Variants in RBFOX1 observed in about 807,000 individuals in gnomAD.
RBFOX1 encodes RNA binding protein fox-1 homolog 1.
In RBFOX1, 8 loss-of-function variants were observed where a neutral mutation model predicts 57.7. The ratio of observed to expected loss-of-function variants is 0.14; its 90% CI spans 0.08 to 0.25. RBFOX1 has a LOEUF of 0.25. Ranked by LOEUF, RBFOX1 falls within the 10% of genes least tolerant of loss-of-function variation. RBFOX1 has a pLI of 1.00. For synonymous variants in RBFOX1, 326 were observed against 222.4 expected (o/e 1.47, Z -4.15); for missense variants, 611 against 548.5 (o/e 1.11, Z -1.14).
intron 10 of RBFOX1, among the ~76,000 whole-genome samples, chr16:7,619,703 G>C (rs768406956): frequency 2.0e-5 from 3 of 152,192 alleles, no homozygotes; most frequent in Non-Finnish European, 4.4e-5. Flanking sequence ...AGTATAGAAG[G>C]CCTTCTAGGT....
intron 3 of RBFOX1, among the ~76,000 whole-genome samples, chr16:6,911,605 G>T (rs183701990): frequency 4.2e-4 from 64 of 152,256 alleles, no homozygotes; most frequent in African/African-American, 1.4e-3. Flanking sequence ...TAAAGACCCT[G>T]CTTCCAAATC....
intron 1 of RBFOX1, among the ~76,000 whole-genome samples, chr16:6,296,136 G>A (rs999954137): frequency 1.3e-5 from 2 of 152,228 alleles, no homozygotes; most frequent in Non-Finnish European, 2.9e-5. Context: ...CCTTGGGCAC[G>A]GTTGGAAGGT....
intron 3 of RBFOX1, among the ~76,000 whole-genome samples, chr16:6,889,914 A>G (rs1223467984): frequency 6.6e-6 from 1 of 152,240 alleles, no homozygotes; most frequent in East Asian, 1.9e-4. Context: ...ATAGCATTCA[A>G]AACAAAATTT....
chr16:7,003,989 T>G (rs1262102684), intron 3 of RBFOX1: 4 of 87,726 alleles, frequency 4.6e-5, no homozygotes, highest in Non-Finnish European at 7.5e-5. Flanking sequence ...AAATGAGGGG[T>G]TTTTTTTTTT....
Position 6,019,134 on chromosome 16 carries a change from G to T in RBFOX1, c.-985G>T. 2.0e-6 allele frequency: 2 copies of T among 984,672 alleles called. No homozygotes were observed. The highest frequency in any genetic ancestry group is 2.4e-6 in the Non-Finnish European group (2 of 829,850). 61.0% of individuals were successfully genotyped at this position (984,672 alleles called of 1,614,324 possible). A position where few individuals can be genotyped will look rare whatever the true frequency, so the allele number is the denominator to read the frequency against. Reference sequence around the variant, plus strand: ...GCACACATTTTCTCGCGCTCTCTCCGGCTCTCCTTTGTTTATTTTCTAATC... The same window carrying T: ...GCACACATTTTCTCGCGCTCTCTCCTGCTCTCCTTTGTTTATTTTCTAATC... On this transcript the variant is annotated 5_prime_UTR_variant, in exon 1 of 16. Coordinates refer to ENST00000550418, the MANE Select transcript of RBFOX1 (RefSeq NM_018723.4). The surrounding 1 kb of genome is among the most constrained non-coding windows in gnomAD (Gnocchi z 4.2).
intron 3 of RBFOX1, among the ~76,000 whole-genome samples, chr16:6,691,127 A>G (rs2060145913): frequency 6.6e-6 from 1 of 152,174 alleles, no homozygotes; most frequent in African/African-American, 2.4e-5. Flanking sequence ...GGAATTACAG[A>G]GTCCTGGAAA....
At chr16:7,518,872 A>G (rs897497895) in intron 5 of RBFOX1, among the ~76,000 whole-genome samples, 1 of 152,112 alleles carries the variant, frequency 6.6e-6, no homozygotes, top group Non-Finnish European at 1.5e-5. Flanking sequence ...GAAATTTAAA[A>G]TTTAGCTGAG....
At chr16:5,284,749 G>C (rs1167796858) in intron 1 of RBFOX1, among the ~76,000 whole-genome samples, 1 of 49,876 alleles carries the variant, frequency 2.0e-5, no homozygotes, top group Non-Finnish European at 4.3e-5. Context: ...TAGTAGTTTT[G>C]GCTTAGATTT....
chr16:7,255,186 C>T (rs141610149), intron 4 of RBFOX1, among the ~76,000 whole-genome samples: 104 of 152,204 alleles, frequency 6.8e-4, no homozygotes, highest in African/African-American at 2.4e-3. Flanking sequence ...GACAATGAGG[C>T]TGAGGGTAGA....
chr16:6,652,785 T>G (rs917259506), intron 2 of RBFOX1, among the ~76,000 whole-genome samples: 1 of 151,972 alleles, frequency 6.6e-6, no homozygotes, highest in African/African-American at 2.4e-5. Context: ...AGTTATTGTT[T>G]AATGGGTACA....
chr16:7,096,571 A>G (rs1029658037), intron 4 of RBFOX1, among the ~76,000 whole-genome samples: 1 of 152,084 alleles, frequency 6.6e-6, no homozygotes, highest in Non-Finnish European at 1.5e-5. Flanking sequence ...CCCATCCCTG[A>G]TACTCAACAT....
intron 3 of RBFOX1, among the ~76,000 whole-genome samples, chr16:6,893,966 A>G (rs933935684): frequency 1.3e-5 from 2 of 152,166 alleles, no homozygotes; most frequent in South Asian, 4.1e-4. Flanking sequence ...ACCAAGTGCT[A>G]TGATGTCTTC....
At position 6,097,813 on chromosome 16, in the gene RBFOX1, T is replaced by C. The variant is rs1328197516; in HGVS notation, c.-127+77821T>C. Reference sequence around the variant, plus strand: ...AAAATTCTTATTTATTTATTTTCTATCACCGTACTTACTGGTGGAGTGGAA... The same window carrying C: ...AAAATTCTTATTTATTTATTTTCTACCACCGTACTTACTGGTGGAGTGGAA... On this transcript the variant is annotated intron_variant, in intron 1 of 15. Transcript: ENST00000550418. This position sits in a 1 kb window ranked among gnomAD's most constrained non-coding sequence, Gnocchi z 5.0. 1.3e-5 allele frequency among the ~76,000 whole-genome samples: 2 copies of C among 152,048 alleles called. No homozygotes were observed. Among genetic ancestry groups the C allele is most frequent in the African/African-American group, 4.8e-5 (2 of 41,384 alleles).
intron 1 of RBFOX1, among the ~76,000 whole-genome samples, chr16:6,196,152 C>G (rs951073058): frequency 1.3e-5 from 2 of 152,182 alleles, no homozygotes; most frequent in African/African-American, 4.8e-5. Context: ...AGTTAGGCTT[C>G]ATTGTCTCCC....
At chr16:5,868,122 A>C (rs986481698) in intron 4 of RBFOX1, among the ~76,000 whole-genome samples, 2 of 152,150 alleles carry the variant, frequency 1.3e-5, no homozygotes, top group Non-Finnish European at 2.9e-5. Context: ...CAGCAAGGTG[A>C]CCACCCATTG....
At chr16:6,111,850 T>G (rs548568673) in intron 1 of RBFOX1, among the ~76,000 whole-genome samples, 1 of 152,276 alleles carries the variant, frequency 6.6e-6, no homozygotes, top group Non-Finnish European at 1.5e-5. Flanking sequence ...TCATCTTCTT[T>G]TAAGTGATTT....
intron 4 of RBFOX1, among the ~76,000 whole-genome samples, chr16:7,256,778 T>A (rs975335217): frequency 6.6e-6 from 1 of 152,190 alleles, no homozygotes; most frequent in African/African-American, 2.4e-5. Context: ...GAGTTGCATT[T>A]AACTTCGAAT....
intron 4 of RBFOX1, among the ~76,000 whole-genome samples, chr16:7,485,823 T>C (rs973322211): frequency 6.6e-6 from 1 of 152,224 alleles, no homozygotes; most frequent in Non-Finnish European, 1.5e-5. Flanking sequence ...TGGCATTTGG[T>C]TATCAGCTTA....
rs529865873 is a variant in RBFOX1 at position 5,826,867 on chromosome 16, G to A, written c.319-40436G>A. On this transcript the variant is annotated intron_variant, in intron 3 of 19. Transcript: ENST00000641259. Reference sequence around the variant, plus strand: ...GTTCATCTGACTTGTGAAGGGATCCGTGGCAGGAGCAAGCTAAGGAGCCCT... The same window carrying A: ...GTTCATCTGACTTGTGAAGGGATCCATGGCAGGAGCAAGCTAAGGAGCCCT... Among the ~76,000 whole-genome samples the A allele has an allele frequency of 6.6e-5, 10 of 152,230 alleles. No homozygotes were observed. The East Asian group carries it at 1.7e-3, about 26-fold the overall frequency.
Sources: allele counts gnomAD v4.1 joint callset (sites outside exome capture counted in the v4.1 genomes callset), GRCh38; gene constraint gnomAD v4.1.1; non-coding constraint Gnocchi (gnomAD v3.1); transcripts MANE v1.5; gene names NCBI Gene and HGNC (gene_info 2026-07-23, HGNC 2026-07-21).